Variants in SND1 observed in about 807,000 individuals in gnomAD.
The protein encoded by SND1 is staphylococcal nuclease domain-containing protein 1.
SND1 carries 38 observed loss-of-function variants against 121.7 expected under a neutral mutation model. That is an observed-to-expected ratio of 0.31 (90% CI 0.24 to 0.41). SND1 has a LOEUF of 0.41. Ranked by LOEUF, SND1 falls within the 10% of genes least tolerant of loss-of-function variation. The pLI, the probability that SND1 is intolerant of heterozygous loss-of-function variation, is 1.00. For synonymous variants in SND1, 401 were observed against 447.4 expected (o/e 0.90, Z 1.31); for missense variants, 868 against 1,184.6 (o/e 0.73, Z 3.92).
intron 15 of SND1, among the ~76,000 whole-genome samples, chr7:127,970,519 G>A (rs1313873334): frequency 6.6e-6 from 1 of 152,078 alleles, no homozygotes; most frequent in African/African-American, 2.4e-5. Context: ...TTTTAGGCAG[G>A]GAAACTAGGA....
At chr7:127,714,819 A>C (rs1796359252) in intron 9 of SND1, among the ~76,000 whole-genome samples, 1 of 152,242 alleles carries the variant, frequency 6.6e-6, no homozygotes, top group Non-Finnish European at 1.5e-5. Context: ...TGGATGAGTC[A>C]GAATTTTCTT....
chr7:127,658,173 G>A (rs1562969556), intron 1 of SND1, among the ~76,000 whole-genome samples: 1 of 152,126 alleles, frequency 6.6e-6, no homozygotes. Flanking sequence ...AAATTAGCCA[G>A]GCATGGTGGC....
chr7:127,838,695 G>A (rs1445033763), intron 11 of SND1, among the ~76,000 whole-genome samples: 1 of 152,108 alleles, frequency 6.6e-6, no homozygotes, highest in African/African-American at 2.4e-5. Context: ...ACATATTTTT[G>A]TTTGCTGTGG....
chr7:127,927,438 A>G (rs575006534), intron 14 of SND1, among the ~76,000 whole-genome samples: 3 of 152,316 alleles, frequency 2.0e-5, no homozygotes, highest in African/African-American at 7.2e-5. Context: ...AAGGATTTTA[A>G]TCAAGTAGTG....
chr7:127,783,881 A>T (rs946884984), intron 10 of SND1, among the ~76,000 whole-genome samples: 2 of 152,124 alleles, frequency 1.3e-5, no homozygotes, highest in Admixed American at 6.6e-5. Context: ...TAAGGTGGGG[A>T]CCTATACCAG....
chr7:127,659,783 A>G (rs912922172), intron 1 of SND1, among the ~76,000 whole-genome samples: 1 of 152,160 alleles, frequency 6.6e-6, no homozygotes, highest in Non-Finnish European at 1.5e-5. Context: ...CATTTGGGTA[A>G]TGTTGGGTAA....
At chr7:127,896,471 G>T (rs999448682) in intron 13 of SND1, among the ~76,000 whole-genome samples, 9 of 152,122 alleles carry the variant, frequency 5.9e-5, no homozygotes, top group Non-Finnish European at 1.0e-4. Context: ...TGTTAGAAAT[G>T]TGAATTCTCA....
chr7:127,832,231 C>T (rs1306151677), intron 11 of SND1, among the ~76,000 whole-genome samples: 1 of 152,040 alleles, frequency 6.6e-6, no homozygotes, highest in Non-Finnish European at 1.5e-5. Context: ...CAAAGGACAC[C>T]ACATTTGTAC....
intron 15 of SND1, among the ~76,000 whole-genome samples, chr7:127,953,366 C>A (rs1225021722): frequency 6.6e-6 from 1 of 152,112 alleles, no homozygotes; most frequent in African/African-American, 2.4e-5. Flanking sequence ...TACCACCCCA[C>A]ACACTTCTCA....
chr7:127,949,470 TTTAACTA>T (rs1271083501), intron 15 of SND1, among the ~76,000 whole-genome samples: 1 of 152,202 alleles, frequency 6.6e-6, no homozygotes, highest in African/African-American at 2.4e-5. Flanking sequence ...AGCTTACAGC[TTTAACTA>T]TTAAATTCAA....
intron 1 of SND1, 59 bp from the exon 2 acceptor site, chr7:127,686,554 C>CT: frequency 6.4e-7 from 1 of 1,553,940 alleles, no homozygotes; most frequent in South Asian, 1.2e-5. Context: ...GGTACACAAC[C>CT]TGCATTATGG....
Position 127,729,441 on chromosome 7 carries a change from T to C in SND1, c.1152+8041T>C, listed in dbSNP as rs1313234397. Among the ~76,000 whole-genome samples, 8 of 598 alleles carry C rather than the reference T, an allele frequency of 0.013. No individual in the cohort carries two copies. In the East Asian group the frequency reaches 0.16, roughly 12 times the overall value. 0.4% of individuals were successfully genotyped at this position (598 alleles called of 152,430 possible). ...CTACACTGTGTTTAGATAAATTACT[T>C]TTTTTTTTTTTTTTTTTTTTTACAT... On this transcript the variant is annotated intron_variant, in intron 10 of 23. Transcript: ENST00000354725.
intron 10 of SND1, among the ~76,000 whole-genome samples, chr7:127,805,335 C>G (rs1273270217): frequency 6.6e-6 from 1 of 152,172 alleles, no homozygotes; most frequent in Admixed American, 6.5e-5. Context: ...CTCAGCCACC[C>G]CAGAGGCTTC....
chr7:127,857,875 T>G, intron 12 of SND1: 4 of 1,324,002 alleles, frequency 3.0e-6, no homozygotes, highest in Non-Finnish European at 4.4e-6. Context: ...GTCAATGCGT[T>G]TGGAGTTGTA....
chr7:127,846,438 G>A (rs1441586639), intron 12 of SND1, among the ~76,000 whole-genome samples: 1 of 152,096 alleles, frequency 6.6e-6, no homozygotes, highest in Non-Finnish European at 1.5e-5. Flanking sequence ...TATAGTTTGT[G>A]GTTAAATGGG....
At chr7:127,790,518 T>G (rs1797888446) in intron 10 of SND1, among the ~76,000 whole-genome samples, 1 of 152,236 alleles carries the variant, frequency 6.6e-6, no homozygotes, top group Non-Finnish European at 1.5e-5. Context: ...CTGCCATTTT[T>G]AGTGGTGTGG....
At position 127,704,749 on chromosome 7, in the gene SND1, C is replaced by T. The variant is rs1255676244; in HGVS notation, c.841-90C>T. On this transcript the variant is annotated intron_variant, in intron 7 of 23. Coordinates refer to ENST00000354725, the MANE Select transcript of SND1 (RefSeq NM_014390.4). ...AAACAAACTGCAGACTAGTTTGTGA[C>T]TGTGTTAATTGTGTCAGAAGTCTAG... The T allele has an allele frequency of 6.6e-6, 7 of 1,053,200 alleles. No homozygotes were observed. The African/African-American group carries it at 9.4e-5, about 14-fold the overall frequency. The allele number at this position is 1,053,200 out of a possible 1,614,324, so 65.2% of individuals were successfully genotyped here.
intron 10 of SND1, among the ~76,000 whole-genome samples, chr7:127,790,816 A>T (rs1318586851): frequency 6.6e-6 from 1 of 152,188 alleles, no homozygotes; most frequent in African/African-American, 2.4e-5. Context: ...GTCTTGAAGA[A>T]TATTTGGCAT....
intron 16 of SND1, among the ~76,000 whole-genome samples, chr7:128,067,896 TC>T (rs1480652957): frequency 7.3e-5 from 10 of 136,562 alleles, no homozygotes; most frequent in African/African-American, 2.0e-4. Context: ...GGAATGTGCA[TC>T]CCCCTGCTGT....
Sources: gnomAD v4.1 joint callset for allele counts (sites outside exome capture counted in the v4.1 genomes callset) on GRCh38, gnomAD v4.1.1 for gene constraint, MANE v1.5 for transcripts, NCBI Gene and HGNC (gene_info 2026-07-23, HGNC 2026-07-21) for gene names.